The following EXTL2 variants were observed in gnomAD, a reference collection of about 807,000 sequenced individuals.
The protein encoded by EXTL2 is exostosin like glycosyltransferase 2.
In EXTL2, 23 loss-of-function variants were observed where a neutral mutation model predicts 30.7. The observed-to-expected ratio is 0.75, with a 90% CI of 0.54 to 1.06. EXTL2 has a LOEUF of 1.06. Among genes scored for constraint, EXTL2 ranks in the 50% least tolerant of loss-of-function variants. The pLI is 0.00. For missense variants in EXTL2, 352 were observed against 396.3 expected, an observed-to-expected ratio of 0.89 and a Z score of 0.95; for synonymous variants, 123 against 133.8, an observed-to-expected ratio of 0.92 and a Z score of 0.56.
chr1:100,882,874 C>T (rs1649672578), intron 2 of EXTL2, among the ~76,000 whole-genome samples: 1 of 152,076 alleles, frequency 6.6e-6, no homozygotes, highest in Non-Finnish European at 1.5e-5. Flanking sequence ...AAAAATACTG[C>T]CCCAATAATT....
rs747093883 is a variant in EXTL2, at chr1:100,874,291, G to T, written c.644C>A (p.Ala215Asp). 6.2e-7 allele frequency: 1 copy of T among 1,612,936 alleles called. No homozygotes were observed. Among genetic ancestry groups the T allele is most frequent in the East Asian group, 2.2e-5 (1 of 44,840 alleles). ...GDQYSMVLIG[A>D]SFFNSKYLEL... Reference sequence around the variant, plus strand: ...AAGATATTTGCTATTGAAGAATGAGGCTCCAATCAGCACCATAGAGTACTG... The same window carrying T: ...AAGATATTTGCTATTGAAGAATGAGTCTCCAATCAGCACCATAGAGTACTG... The change falls in exon 5 of 5, where the codon GCC becomes GAC. Residue 215 changes from alanine (A) to aspartate (D), a missense_variant. Transcript: ENST00000370114.
chr1:100,876,618 C>A (rs1443515814), intron 4 of EXTL2, among the ~76,000 whole-genome samples, 176 bp downstream of exon 4: 1 of 152,070 alleles, frequency 6.6e-6, no homozygotes, highest in Non-Finnish European at 1.5e-5. Flanking sequence ...CTATAACTTT[C>A]AGGATGGCTG....
Position 100,873,812 on chromosome 1 carries a change from G to A in EXTL2, c.*130C>T. On this transcript the variant is annotated 3_prime_UTR_variant, in exon 5 of 5. Transcript: ENST00000370114. ...GTGAATTTTATATCCTAGAAGCACTGCACTTTTTTTTCTATTGTAGAGACT... is the reference window on the plus strand; with the variant it reads ...GTGAATTTTATATCCTAGAAGCACTACACTTTTTTTTCTATTGTAGAGACT... 1 of 933,398 alleles carries A rather than the reference G, an allele frequency of 1.1e-6. No homozygotes were observed. The highest frequency in any genetic ancestry group is 2.0e-5 in the South Asian group (1 of 49,514). The allele number at this position is 933,398 out of a possible 1,614,324, so 57.8% of individuals were successfully genotyped here.
At chr1:100,888,692 A>T (rs1343586149) in intron 2 of EXTL2, 61 bp downstream of exon 2, 2 of 906,704 alleles carry the variant, frequency 2.2e-6, no homozygotes, top group Admixed American at 2.2e-5. Context: ...TAAGGTGATA[A>T]ATTTTGTGTT....
chr1:100,889,622 T>C (rs561326413), intron 1 of EXTL2, among the ~76,000 whole-genome samples: 2 of 152,126 alleles, frequency 1.3e-5, no homozygotes, highest in African/African-American at 2.4e-5. Context: ...AGTGGGGATA[T>C]AGGCATTGGA....
At chr1:100,876,324 A>T (rs1221785000) in intron 4 of EXTL2, among the ~76,000 whole-genome samples, 1 of 152,092 alleles carries the variant, frequency 6.6e-6, no homozygotes, top group Non-Finnish European at 1.5e-5. Context: ...CCCTCCTACC[A>T]CAATGGTACA....
intron 2 of EXTL2, 67 bp downstream of exon 2, chr1:100,888,686 G>A: frequency 1.2e-6 from 1 of 818,128 alleles, no homozygotes; most frequent in Non-Finnish European, 2.0e-6. Flanking sequence ...ACCCGTTAAG[G>A]TGATAAATTT....
At chr1:100,882,265 G>A (rs1445441633) in intron 2 of EXTL2, among the ~76,000 whole-genome samples, 1 of 152,188 alleles carries the variant, frequency 6.6e-6, no homozygotes, top group Non-Finnish European at 1.5e-5. Context: ...CACAACTAGA[G>A]GGGAGATACT....
At chr1:100,884,092 A>C (rs1649774836) in intron 2 of EXTL2, among the ~76,000 whole-genome samples, 1 of 152,160 alleles carries the variant, frequency 6.6e-6, no homozygotes. Flanking sequence ...ATCCAGAGAG[A>C]AGCTGAAAAC....
intron 2 of EXTL2, among the ~76,000 whole-genome samples, chr1:100,884,399 T>C (rs894330031): frequency 3.3e-5 from 5 of 152,182 alleles, no homozygotes; most frequent in African/African-American, 9.7e-5. Flanking sequence ...CATTCCAAGG[T>C]TGAATACAGA....
intron 2 of EXTL2, among the ~76,000 whole-genome samples, chr1:100,886,182 T>C (rs1415054357): frequency 6.6e-6 from 1 of 152,238 alleles, no homozygotes; most frequent in Admixed American, 6.5e-5. Flanking sequence ...TGATCATTGA[T>C]AGCCAATTTA....
At chr1:100,892,949 T>G (rs1229386229) in intron 1 of EXTL2, among the ~76,000 whole-genome samples, 1 of 152,176 alleles carries the variant, frequency 6.6e-6, no homozygotes, top group Non-Finnish European at 1.5e-5. Flanking sequence ...TCCTATTCCT[T>G]GCTGACCATT....
Position 100,877,671 on chromosome 1 carries a change from A to T in EXTL2, c.238T>A (p.Leu80Met). The T allele has an allele frequency of 6.2e-7, 1 of 1,613,656 alleles. No individual in the cohort carries two copies. The highest frequency in any genetic ancestry group is 8.5e-7 in the Non-Finnish European group (1 of 1,179,712). The change falls in exon 3 of 5, where the codon TTG becomes ATG. Residue 80 changes from leucine to methionine, a missense_variant. By Grantham distance (15) the Leu-to-Met change is conservative (BLOSUM62 2). Coordinates refer to ENST00000370114, the MANE Select transcript of EXTL2 (RefSeq NM_001033025.3). This position sits in a 1 kb window ranked among gnomAD's most constrained non-coding sequence, Gnocchi z 4.1. The stretch of plus-strand genomic sequence containing the variant: ...GCCTGATAATGATTTAAAAGTTTCA[A>T]TAAGAGATCTGTTCTGTTGTACGTC... The part of the protein sequence containing the change: ...MQTYNRTDLL[L>M]KLLNHYQAVP...
intron 2 of EXTL2, among the ~76,000 whole-genome samples, chr1:100,878,121 A>G (rs1649273161): frequency 6.6e-6 from 1 of 152,174 alleles, no homozygotes; most frequent in African/African-American, 2.4e-5. Context: ...AGTTGCAGAC[A>G]AAAGATGTTA....
At position 100,873,672 on chromosome 1, in the gene EXTL2, C is replaced by T. The variant is rs569658966; in HGVS notation, c.*270G>A. 1 of 267,786 alleles carries T rather than the reference C, an allele frequency of 3.7e-6. No homozygotes were observed. Among genetic ancestry groups the T allele is most frequent in the East Asian group, 7.2e-5 (1 of 13,932 alleles). The allele number at this position is 267,786 out of a possible 1,614,324, so 16.6% of individuals were successfully genotyped here. On this transcript the variant is annotated 3_prime_UTR_variant, in exon 5 of 5. Coordinates refer to ENST00000370114, the MANE Select transcript of EXTL2 (RefSeq NM_001033025.3). Reference sequence around the variant, plus strand: ...GCCAGGAGTCAAAGAAACTGTAGAACAGTCTCAGGATGTAAACAATAAAAT... The same window carrying T: ...GCCAGGAGTCAAAGAAACTGTAGAATAGTCTCAGGATGTAAACAATAAAAT...
chr1:100,876,732 C>T (rs917946787), intron 4 of EXTL2, 62 bp downstream of exon 4: 58 of 1,087,700 alleles, frequency 5.3e-5, no homozygotes, highest in South Asian at 1.4e-4. Context: ...ACCATGTTGC[C>T]GTGGTTAAGT....
At chr1:100,878,425 T>C (rs1171921324) in intron 2 of EXTL2, 1 of 471,060 alleles carries the variant, frequency 2.1e-6, no homozygotes, top group South Asian at 1.5e-5. Context: ...AGCACTTACT[T>C]TGTGCCACCA....
chr1:100,890,325 C>G (rs1650323344), intron 1 of EXTL2, among the ~76,000 whole-genome samples: 1 of 152,224 alleles, frequency 6.6e-6, no homozygotes, highest in Non-Finnish European at 1.5e-5. Flanking sequence ...GGGCCCAGCC[C>G]ATGAAACCAT....
chr1:100,876,232 C>T (rs555058541), intron 4 of EXTL2, among the ~76,000 whole-genome samples: 7 of 152,016 alleles, frequency 4.6e-5, no homozygotes, highest in Middle Eastern at 3.4e-3. Flanking sequence ...TAGGAGAGAG[C>T]GGCTTTTATA....
Sources: allele counts gnomAD v4.1 joint callset (sites outside exome capture counted in the v4.1 genomes callset), GRCh38; gene constraint gnomAD v4.1.1; non-coding constraint Gnocchi (gnomAD v3.1); transcripts MANE v1.5; gene names NCBI Gene and HGNC (gene_info 2026-07-23, HGNC 2026-07-21).